The following VPS13B variants were observed in gnomAD, a reference collection of about 807,000 sequenced individuals.
The protein encoded by VPS13B is vacuolar protein sorting 13 homolog B.
VPS13B carries 285 observed loss-of-function variants against 426.4 expected under a neutral mutation model. The observed-to-expected ratio is 0.67, with a 90% CI of 0.61 to 0.74. The LOEUF (loss-of-function observed/expected upper bound fraction) is 0.74, where lower values mean the gene tolerates loss of function less well. Ranked by LOEUF, VPS13B falls within the 30% of genes least tolerant of loss-of-function variation. VPS13B has a pLI of 0.00. For synonymous variants in VPS13B, 1,676 were observed against 1,676.4 expected, an observed-to-expected ratio of 1.00 and a Z score of 0.01; for missense variants, 4,537 against 4,782.6, an observed-to-expected ratio of 0.95 and a Z score of 1.51.
intron 19 of VPS13B, chr8:99,347,423 TG>T: frequency 5.8e-6 from 1 of 172,480 alleles, no homozygotes; most frequent in Non-Finnish European, 1.3e-5. Context: ...GATTTTATCT[TG>T]GATTGGCATT....
intron 36 of VPS13B, among the ~76,000 whole-genome samples, chr8:99,715,927 G>T (rs1365993851): frequency 2.6e-5 from 4 of 152,000 alleles, no homozygotes; most frequent in African/African-American, 7.2e-5. Context: ...AATAAAGATG[G>T]TTTTTTATTT....
chr8:99,302,639 G>T (rs114229507), intron 19 of VPS13B, among the ~76,000 whole-genome samples: 3,092 of 152,084 alleles, frequency 0.02, 116 homozygotes, highest in African/African-American at 0.071. Context: ...CCTGCCAGGT[G>T]GCTGGCATTA....
chr8:99,869,975 A>G (rs1002447403), intron 59 of VPS13B, among the ~76,000 whole-genome samples: 6 of 152,252 alleles, frequency 3.9e-5, no homozygotes, highest in African/African-American at 1.2e-4. Flanking sequence ...GGCACCAGGG[A>G]GAGCATGTCA....
At chr8:99,452,727 G>A (rs1423481923) in intron 23 of VPS13B, among the ~76,000 whole-genome samples, 1 of 152,132 alleles carries the variant, frequency 6.6e-6, no homozygotes, top group Non-Finnish European at 1.5e-5. Flanking sequence ...TAGATTTGAG[G>A]CTCTGTCTAT....
chr8:99,258,454 T>C (rs1288152679), intron 17 of VPS13B, among the ~76,000 whole-genome samples: 1 of 152,048 alleles, frequency 6.6e-6, no homozygotes, highest in East Asian at 1.9e-4. Context: ...TTATCATTCT[T>C]CTCCTGACAT....
chr8:99,632,719 AT>A (rs1164790563), intron 33 of VPS13B, among the ~76,000 whole-genome samples: 7 of 152,016 alleles, frequency 4.6e-5, no homozygotes, highest in Non-Finnish European at 8.8e-5. Context: ...TAGCCATTGC[AT>A]TTCAAGTCTG....
intron 8 of VPS13B, among the ~76,000 whole-genome samples, chr8:99,128,958 T>C (rs992797403): frequency 6.6e-6 from 1 of 152,000 alleles, no homozygotes. Context: ...GCCAATATGG[T>C]GAAACCCTGT....
chr8:99,260,353 C>T (rs1817979020), intron 17 of VPS13B, among the ~76,000 whole-genome samples: 3 of 151,994 alleles, frequency 2.0e-5, no homozygotes, highest in Non-Finnish European at 2.9e-5. Context: ...ACCTGAGAAT[C>T]CTAAATTCCA....
intron 14 of VPS13B, 29 bp from the exon 15 acceptor site, chr8:99,156,520 A>G (rs754405091): frequency 8.7e-6 from 14 of 1,611,978 alleles, no homozygotes; most frequent in Non-Finnish European, 1.1e-5. Context: ...CCACTTTTAA[A>G]ATATAAAGCG....
At chr8:99,400,915 G>A (rs193032919) in intron 21 of VPS13B, among the ~76,000 whole-genome samples, 322 of 152,244 alleles carry the variant, frequency 2.1e-3, no homozygotes, top group Non-Finnish European at 3.5e-3. Flanking sequence ...CAAGTGATCC[G>A]TCCATCTCGG....
intron 43 of VPS13B, among the ~76,000 whole-genome samples, chr8:99,796,186 T>C (rs541218792): frequency 1.8e-4 from 27 of 152,202 alleles, no homozygotes; most frequent in African/African-American, 5.8e-4. Context: ...CTAAGGGAAC[T>C]GAGTGAGGTA....
intron 40 of VPS13B, among the ~76,000 whole-genome samples, chr8:99,773,857 TA>T (rs1258530865): frequency 7.2e-5 from 11 of 152,214 alleles, no homozygotes; most frequent in African/African-American, 2.2e-4. Flanking sequence ...TAAGTTGTGA[TA>T]TTTTTTACTT....
chr8:99,176,681 A>G (rs901185448), intron 16 of VPS13B, among the ~76,000 whole-genome samples: 1 of 152,256 alleles, frequency 6.6e-6, no homozygotes, highest in African/African-American at 2.4e-5. Context: ...GCCAGCTAGC[A>G]CAAACACTTT....
chr8:99,644,521 T>G (rs990998548), intron 34 of VPS13B, among the ~76,000 whole-genome samples: 1 of 152,088 alleles, frequency 6.6e-6, no homozygotes, highest in African/African-American at 2.4e-5. Flanking sequence ...GAACCCAATT[T>G]TGGTACATGA....
In VPS13B at chr8:99,547,879, A is replaced by G. The variant is rs532502633; in HGVS notation, c.4746-8571A>G. Among the ~76,000 whole-genome samples the G allele has an allele frequency of 8.5e-5, 13 of 152,196 alleles. No homozygotes were observed. In the South Asian group the frequency reaches 2.5e-3, roughly 29 times the overall value. Reference sequence around the variant, plus strand: ...ACCCCCTTTCCTGATTTGAATTGCTACAAGGTTTTAAAGGCTGCAATAAGG... The same window carrying G: ...ACCCCCTTTCCTGATTTGAATTGCTGCAAGGTTTTAAAGGCTGCAATAAGG... On this transcript the variant is annotated intron_variant, in intron 30 of 61. Transcript: ENST00000357162.
intron 35 of VPS13B, among the ~76,000 whole-genome samples, chr8:99,671,955 TTC>T (rs1830734657): frequency 6.6e-6 from 1 of 152,174 alleles, no homozygotes; most frequent in Non-Finnish European, 1.5e-5. Flanking sequence ...TCTTTCTGGG[TTC>T]TCTATTCTGT....
At chr8:99,202,894 C>G (rs570403203) in intron 17 of VPS13B, among the ~76,000 whole-genome samples, 15 of 151,980 alleles carry the variant, frequency 9.9e-5, no homozygotes, top group African/African-American at 2.9e-4. Flanking sequence ...ATTAACTGGG[C>G]GTGGTGGTGG....
At chr8:99,059,730 C>CCT (rs35114057) in intron 3 of VPS13B, among the ~76,000 whole-genome samples, 1 of 110,182 alleles carries the variant, frequency 9.1e-6, no homozygotes, top group Non-Finnish European at 1.7e-5. Flanking sequence ...TTAGCTTCTG[C>CCT]TTTTTTTTTT....
intron 2 of VPS13B, among the ~76,000 whole-genome samples, chr8:99,034,441 T>C (rs1842652477): frequency 6.6e-6 from 1 of 151,572 alleles, no homozygotes; most frequent in Non-Finnish European, 1.5e-5. Context: ...ATTCTCTATG[T>C]TCATGAGGCC....
Sources: gnomAD v4.1 joint callset for allele counts (sites outside exome capture counted in the v4.1 genomes callset) on GRCh38, gnomAD v4.1.1 for gene constraint, MANE v1.5 for transcripts, NCBI Gene and HGNC (gene_info 2026-07-23, HGNC 2026-07-21) for gene names.